Variants in RBFOX1 observed in about 807,000 individuals in gnomAD.
The protein encoded by RBFOX1 is RNA binding protein fox-1 homolog 1.
Under a neutral mutation model 57.7 loss-of-function variants are expected in RBFOX1, and 8 were observed. The observed-to-expected ratio is 0.14, with a 90% confidence interval of 0.08 to 0.25. The LOEUF is 0.25. RBFOX1 is among the 10% of genes least tolerant of loss of function. The pLI is 1.00. For missense variants in RBFOX1, 611 were observed against 548.5 expected (o/e 1.11, Z -1.14); for synonymous variants, 326 against 222.4 (o/e 1.47, Z -4.15).
At chr16:5,938,718 C>A (rs571750409) in intron 4 of RBFOX1, among the ~76,000 whole-genome samples, 5 of 152,116 alleles carry the variant, frequency 3.3e-5, no homozygotes, top group Admixed American at 6.5e-5. Context: ...CTTCTCATTG[C>A]TCCAGGTGAC....
intron 1 of RBFOX1, among the ~76,000 whole-genome samples, chr16:6,239,277 T>G (rs887129594): frequency 2.0e-5 from 3 of 152,070 alleles, no homozygotes; most frequent in Non-Finnish European, 4.4e-5. Context: ...CTCGCAGACT[T>G]GAGATACTTC....
At chr16:5,328,770 A>G (rs1002154888) in intron 1 of RBFOX1, among the ~76,000 whole-genome samples, 4 of 152,198 alleles carry the variant, frequency 2.6e-5, no homozygotes, top group African/African-American at 7.2e-5. Context: ...ATCCGATTCA[A>G]GCTCAGCCAA....
chr16:5,804,725 G>A (rs539092145), intron 3 of RBFOX1, among the ~76,000 whole-genome samples: 18 of 152,282 alleles, frequency 1.2e-4, no homozygotes, highest in African/African-American at 4.3e-4. Context: ...TGGACACCAG[G>A]ATTTTCTCTG....
intron 4 of RBFOX1, among the ~76,000 whole-genome samples, chr16:7,219,877 T>G (rs924340560): frequency 4.6e-5 from 7 of 152,210 alleles, no homozygotes; most frequent in African/African-American, 1.7e-4. Flanking sequence ...TAAAGAAGTT[T>G]TCTAACCAAA....
chr16:7,155,171 C>G (rs934355492), intron 4 of RBFOX1, among the ~76,000 whole-genome samples: 4 of 152,066 alleles, frequency 2.6e-5, no homozygotes, highest in African/African-American at 9.7e-5. Flanking sequence ...AGTACTACCA[C>G]AAGATTTATT....
intron 2 of RBFOX1, among the ~76,000 whole-genome samples, chr16:6,621,350 G>C (rs1208665960): frequency 6.6e-6 from 1 of 152,168 alleles, no homozygotes; most frequent in Non-Finnish European, 1.5e-5. Flanking sequence ...TGTAGTCCCA[G>C]CTACTCGGGA....
At chr16:6,193,204 G>A (rs1177539774) in intron 1 of RBFOX1, among the ~76,000 whole-genome samples, 2 of 151,280 alleles carry the variant, frequency 1.3e-5, no homozygotes, top group Admixed American at 6.6e-5. Flanking sequence ...AGGCTCTGGG[G>A]ACTCTCGCAG....
chr16:5,613,694 C>T (rs2047909992), intron 3 of RBFOX1, among the ~76,000 whole-genome samples: 2 of 152,188 alleles, frequency 1.3e-5, no homozygotes, highest in African/African-American at 2.4e-5. Flanking sequence ...CAGGTTCCAT[C>T]ACTGAGTGGA....
chr16:6,859,153 GTATATA>G (rs549747996), intron 3 of RBFOX1, among the ~76,000 whole-genome samples: 1 of 81,452 alleles, frequency 1.2e-5, no homozygotes, highest in African/African-American at 5.7e-5. Flanking sequence ...ATATATATAT[GTATATA>G]TATACGTATA....
At chr16:5,881,835 G>A (rs1323673433) in intron 4 of RBFOX1, among the ~76,000 whole-genome samples, 1 of 152,058 alleles carries the variant, frequency 6.6e-6, no homozygotes, top group Non-Finnish European at 1.5e-5. Context: ...AATAATGATG[G>A]TTAACATTTA....
At chr16:5,424,925 T>TTCTTTCTTTCTTTC (rs1567490023) in intron 1 of RBFOX1, among the ~76,000 whole-genome samples, 3 of 102,760 alleles carry the variant, frequency 2.9e-5, no homozygotes, top group African/African-American at 1.1e-4. Context: ...CTTTCTTTCT[T>TTCTTTCTTTCTTTC]TCTTTCTTTC....
intron 4 of RBFOX1, among the ~76,000 whole-genome samples, chr16:5,942,836 C>T (rs766140265): frequency 7.2e-5 from 11 of 152,236 alleles, no homozygotes; most frequent in African/African-American, 2.6e-4. Context: ...AAGCTGAGGG[C>T]CCAGGAAACT....
chr16:5,366,112 G>A, intron 1 of RBFOX1: 1 of 461,182 alleles, frequency 2.2e-6, no homozygotes, highest in Non-Finnish European at 4.2e-6. Context: ...TGTGGTTCAG[G>A]GCGAGTGCAT....
At chr16:7,110,788 G>T (rs946973410) in intron 4 of RBFOX1, among the ~76,000 whole-genome samples, 7 of 152,136 alleles carry the variant, frequency 4.6e-5, no homozygotes, top group Non-Finnish European at 1.5e-5. Flanking sequence ...CATGTCACAG[G>T]AGAAAATTTT....
At chr16:6,118,897 T>C (rs2096527385) in intron 1 of RBFOX1, among the ~76,000 whole-genome samples, 1 of 151,904 alleles carries the variant, frequency 6.6e-6, no homozygotes, top group African/African-American at 2.4e-5. Flanking sequence ...CCTAATCATC[T>C]CCCAATACCA....
At chr16:7,566,016 T>A (rs2091594963) in intron 5 of RBFOX1, among the ~76,000 whole-genome samples, 1 of 152,172 alleles carries the variant, frequency 6.6e-6, no homozygotes, top group Admixed American at 6.5e-5. Context: ...GAGCGCCTAC[T>A]ATGTGTCATG....
intron 3 of RBFOX1, among the ~76,000 whole-genome samples, chr16:6,796,739 C>A (rs2084149269): frequency 6.6e-6 from 1 of 152,108 alleles, no homozygotes. Flanking sequence ...CATTTATGAT[C>A]CTAAACGCCC....
chr16:6,819,752 T>C (rs1052656849), intron 3 of RBFOX1, among the ~76,000 whole-genome samples: 5 of 127,100 alleles, frequency 3.9e-5, no homozygotes, highest in African/African-American at 1.5e-4. Flanking sequence ...AAAAGGTATA[T>C]AGTATAACAG....
At chr16:5,639,503 C>G (rs2048792157) in intron 3 of RBFOX1, among the ~76,000 whole-genome samples, 1 of 152,212 alleles carries the variant, frequency 6.6e-6, no homozygotes, top group Non-Finnish European at 1.5e-5. Flanking sequence ...CATGTTCCTA[C>G]ATAACACTAG....
Sources: gnomAD v4.1 joint callset for allele counts (sites outside exome capture counted in the v4.1 genomes callset) on GRCh38, gnomAD v4.1.1 for gene constraint, MANE v1.5 for transcripts, NCBI Gene and HGNC (gene_info 2026-07-23, HGNC 2026-07-21) for gene names.